DCDC1: variants seen among roughly 807,000 people sequenced by gnomAD.
DCDC1 encodes the protein doublecortin domain-containing protein 1.
DCDC1 carries 200 observed loss-of-function variants against 178.3 expected under a neutral mutation model. That is an observed-to-expected ratio of 1.12 (90% confidence interval 1.00 to 1.26). The LOEUF (loss-of-function observed/expected upper bound fraction) is 1.26, where lower values mean the gene tolerates loss of function less well. DCDC1 is among the 50% of genes most tolerant of loss of function. The pLI is 0.00. For synonymous variants in DCDC1, 690 were observed against 604.8 expected (o/e 1.14, Z -2.07); for missense variants, 1,983 against 1,749.2 (o/e 1.13, Z -2.38).
At chr11:31,137,867 T>G (rs2136001295) in intron 9 of DCDC1, 83 bp from the exon 10 acceptor site, 1 of 611,132 alleles carries the variant, frequency 1.6e-6, no homozygotes, top group East Asian at 3.0e-5. Context: ...TAGTTAAGCA[T>G]AATCATGAAT....
At chr11:31,287,105 T>A (rs1455796366) in intron 7 of DCDC1, among the ~76,000 whole-genome samples, 1 of 152,056 alleles carries the variant, frequency 6.6e-6, no homozygotes, top group Non-Finnish European at 1.5e-5. Flanking sequence ...CAACCAACTT[T>A]TTAGTTCTTC....
chr11:31,348,156 T>C (rs1413374309), intron 1 of DCDC1, among the ~76,000 whole-genome samples: 2 of 152,238 alleles, frequency 1.3e-5, no homozygotes, highest in Non-Finnish European at 2.9e-5. Context: ...CACCTGTATC[T>C]CATAACATAC....
chr11:31,340,567 G>A (rs1469086642), intron 1 of DCDC1, among the ~76,000 whole-genome samples: 1 of 152,178 alleles, frequency 6.6e-6, no homozygotes, highest in Non-Finnish European at 1.5e-5. Context: ...TTTCTGTGAA[G>A]GTGTTTTTTT....
At chr11:30,994,641 T>C (rs887582665) in intron 20 of DCDC1, among the ~76,000 whole-genome samples, 7 of 145,548 alleles carry the variant, frequency 4.8e-5, no homozygotes. Flanking sequence ...TATATATTTA[T>C]TATAATATAT....
chr11:31,353,654 T>G (rs2133317094), intron 1 of DCDC1, among the ~76,000 whole-genome samples: 1 of 152,294 alleles, frequency 6.6e-6, no homozygotes, highest in South Asian at 2.1e-4. Flanking sequence ...TAAGGATAAT[T>G]TATACTTCAA....
At chr11:31,263,183 G>A (rs1481164196) in intron 8 of DCDC1, 4 of 1,082,994 alleles carry the variant, frequency 3.7e-6, no homozygotes, top group East Asian at 2.6e-5. Flanking sequence ...AATTCTAGCA[G>A]TTCATTCAAA....
intron 20 of DCDC1, among the ~76,000 whole-genome samples, chr11:31,006,090 CA>C (rs1565175194): frequency 6.6e-6 from 1 of 151,982 alleles, no homozygotes; most frequent in Non-Finnish European, 1.5e-5. Flanking sequence ...CCCATACTCT[CA>C]GGCATCACTA....
intron 6 of DCDC1, among the ~76,000 whole-genome samples, chr11:31,297,092 A>G (rs957244091): frequency 6.6e-6 from 1 of 152,214 alleles, no homozygotes; most frequent in Non-Finnish European, 1.5e-5. Context: ...CAGGGTAAGC[A>G]TTATTACATC....
chr11:31,303,313 T>TTA (rs957205692), intron 6 of DCDC1, among the ~76,000 whole-genome samples: 24 of 152,304 alleles, frequency 1.6e-4, no homozygotes, highest in African/African-American at 5.8e-4. Context: ...TATAAAATAC[T>TTA]TATGCTCATT....
chr11:31,272,569 G>C (rs1945647026), intron 7 of DCDC1, among the ~76,000 whole-genome samples: 1 of 152,214 alleles, frequency 6.6e-6, no homozygotes, highest in Non-Finnish European at 1.5e-5. Flanking sequence ...GATAAATACA[G>C]TTGTTCCAAA....
chr11:31,357,959 C>T (rs1208613809), intron 1 of DCDC1, among the ~76,000 whole-genome samples: 1 of 152,214 alleles, frequency 6.6e-6, no homozygotes, highest in Non-Finnish European at 1.5e-5. Flanking sequence ...AACGGAAGAA[C>T]ATTCCATGCT....
At chr11:31,305,191 T>C (rs1391317766) in intron 6 of DCDC1, among the ~76,000 whole-genome samples, 2 of 152,278 alleles carry the variant, frequency 1.3e-5, no homozygotes, top group South Asian at 2.1e-4. Context: ...TTCATAATTA[T>C]GTTGATACTA....
In DCDC1 at chr11:31,043,876, G is replaced by T. The variant is rs575970126; in HGVS notation, c.2591+20593C>A. On this transcript the variant is annotated intron_variant, in intron 20 of 38. Transcript: ENST00000684477. ...TATATTTTATGTTTTCCTTTTTTGCGCTAGTGTTCACCATGATAGGGATTC... is the reference window on the plus strand; with the variant it reads ...TATATTTTATGTTTTCCTTTTTTGCTCTAGTGTTCACCATGATAGGGATTC... Among the ~76,000 whole-genome samples, 35 of 147,644 alleles carry T rather than the reference G, an allele frequency of 2.4e-4. 1 individual carries two copies. In the South Asian group the frequency reaches 6.2e-3, roughly 26 times the overall value.
intron 2 of DCDC1, among the ~76,000 whole-genome samples, chr11:31,331,149 C>A (rs1949961254): frequency 6.6e-6 from 1 of 152,108 alleles, no homozygotes; most frequent in Non-Finnish European, 1.5e-5. Context: ...CTCTTTGTAG[C>A]AATTGTGAAG....
At chr11:31,348,915 AC>A (rs1358558026) in intron 1 of DCDC1, among the ~76,000 whole-genome samples, 1 of 152,224 alleles carries the variant, frequency 6.6e-6, no homozygotes, top group Non-Finnish European at 1.5e-5. Flanking sequence ...AATTAATTTT[AC>A]AACAACTAAA....
chr11:30,925,756 CCA>C (rs1225775499), intron 22 of DCDC1, among the ~76,000 whole-genome samples: 2 of 152,080 alleles, frequency 1.3e-5, no homozygotes, highest in Admixed American at 6.6e-5. Flanking sequence ...TTGGTATGCC[CCA>C]CACTTTTCTA....
chr11:31,033,886 A>G (rs999293175), intron 20 of DCDC1, among the ~76,000 whole-genome samples: 1 of 152,126 alleles, frequency 6.6e-6, no homozygotes, highest in African/African-American at 2.4e-5. Context: ...CATGCCTGTA[A>G]TCAATCCCAG....
intron 20 of DCDC1, among the ~76,000 whole-genome samples, chr11:30,975,507 T>C (rs902828359): frequency 5.3e-5 from 8 of 151,976 alleles, no homozygotes; most frequent in Admixed American, 4.6e-4. Context: ...ACCTCTGAGA[T>C]AATCAATAAA....
chr11:30,931,861 A>T lies in DCDC1; in HGVS notation c.2807T>A (p.Val936Glu), dbSNP rs1250808591. 1.2e-6 allele frequency: 2 copies of T among 1,613,190 alleles called. No homozygotes were observed. Among genetic ancestry groups the T allele is most frequent in the Admixed American group, 1.7e-5 (1 of 59,914 alleles). The change falls in exon 22 of 39, where the codon GTG (valine) becomes GAG (glutamate). Residue 936 changes from valine to glutamate, a missense_variant. Physicochemically the swap from Val to Glu is moderately radical, Grantham distance 121. Coordinates refer to ENST00000684477, the MANE Select transcript of DCDC1 (RefSeq NM_001387274.1). ...ICKTTEPYAP[V>E]RLRVLQNGEK... ...TCCATTCTGCAAAACTCTGAGTCGC[A>T]CAGGGGCATATGGCTCTGTTGTCTT...
Sources: allele counts gnomAD v4.1 joint callset (sites outside exome capture counted in the v4.1 genomes callset), GRCh38; gene constraint gnomAD v4.1.1; transcripts MANE v1.5; gene names NCBI Gene and HGNC (gene_info 2026-07-23, HGNC 2026-07-21).